The following RSRC1 variants were observed in gnomAD, a reference collection of about 807,000 sequenced individuals.
The protein encoded by RSRC1 is arginine and serine rich coiled-coil 1.
A neutral mutation model predicts 49.1 loss-of-function variants in RSRC1; 39 were observed. That is an observed-to-expected ratio of 0.79 (90% confidence interval 0.61 to 1.04). The LOEUF (loss-of-function observed/expected upper bound fraction) is 1.04, where lower values mean the gene tolerates loss of function less well. Among genes scored for constraint, RSRC1 ranks in the 50% least tolerant of loss-of-function variants. The pLI is 0.00. For synonymous variants in RSRC1, 143 were observed against 130.8 expected, an observed-to-expected ratio of 1.09 and a Z score of -0.63; for missense variants, 388 against 402.4, an observed-to-expected ratio of 0.96 and a Z score of 0.31.
chr3:158,410,665 A>G (rs931194787), intron 6 of RSRC1, among the ~76,000 whole-genome samples: 9 of 152,064 alleles, frequency 5.9e-5, no homozygotes, highest in South Asian at 2.1e-4. Flanking sequence ...TCTATCATCT[A>G]TCTTTGTAAA....
At chr3:158,481,768 A>G (rs1738622156) in intron 7 of RSRC1, among the ~76,000 whole-genome samples, 1 of 152,072 alleles carries the variant, frequency 6.6e-6, no homozygotes, top group Non-Finnish European at 1.5e-5. Context: ...AGATACTTAC[A>G]GTGTACTGCT....
intron 4 of RSRC1, among the ~76,000 whole-genome samples, chr3:158,293,919 G>A (rs1255124789): frequency 6.6e-6 from 1 of 151,946 alleles, no homozygotes; most frequent in East Asian, 1.9e-4. Flanking sequence ...CCTTTGTGTA[G>A]GGGTCTCCTT....
intron 6 of RSRC1, among the ~76,000 whole-genome samples, chr3:158,448,006 T>G (rs893424389): frequency 3.3e-5 from 5 of 151,860 alleles, no homozygotes; most frequent in African/African-American, 1.2e-4. Context: ...TTATAAATCA[T>G]TTAGTGGAGT....
At chr3:158,531,644 A>G (rs138937283) in intron 7 of RSRC1, among the ~76,000 whole-genome samples, 75 of 151,860 alleles carry the variant, frequency 4.9e-4, no homozygotes, top group African/African-American at 1.7e-3. Context: ...GAGTTTTCTC[A>G]TCTTTTAAAT....
At chr3:158,239,856 AAAAG>A (rs1379866630) in intron 4 of RSRC1, among the ~76,000 whole-genome samples, 4 of 152,190 alleles carry the variant, frequency 2.6e-5, no homozygotes, top group Non-Finnish European at 4.4e-5. Context: ...TCTTAACAAT[AAAAG>A]AAAGAATAAT....
chr3:158,512,304 A>G (rs1740233878), intron 7 of RSRC1, among the ~76,000 whole-genome samples: 1 of 142,744 alleles, frequency 7.0e-6, no homozygotes, highest in African/African-American at 2.7e-5. Context: ...AGGTGTAAGG[A>G]AGGGATCCAG....
intron 4 of RSRC1, among the ~76,000 whole-genome samples, chr3:158,250,745 A>G (rs1440642907): frequency 6.6e-6 from 1 of 152,090 alleles, no homozygotes; most frequent in Admixed American, 6.5e-5. Context: ...TAGTTTGCAG[A>G]TATTTTCTTT....
chr3:158,375,630 G>T (rs1267735008), intron 6 of RSRC1, among the ~76,000 whole-genome samples: 1 of 152,034 alleles, frequency 6.6e-6, no homozygotes, highest in African/African-American at 2.4e-5. Context: ...TAAATAAATT[G>T]TATGTAATAT....
chr3:158,343,874 G>A (rs1325111221), intron 5 of RSRC1, among the ~76,000 whole-genome samples: 1 of 152,106 alleles, frequency 6.6e-6, no homozygotes, highest in East Asian at 1.9e-4. Context: ...GAAAGGAAAG[G>A]AAGCAGCAGA....
At chr3:158,357,081 C>G (rs1424500722) in intron 6 of RSRC1, among the ~76,000 whole-genome samples, 1 of 152,192 alleles carries the variant, frequency 6.6e-6, no homozygotes, top group East Asian at 1.9e-4. Context: ...AAGCAAAAGA[C>G]AGACCTTAGC....
intron 4 of RSRC1, among the ~76,000 whole-genome samples, chr3:158,237,300 C>G (rs191948963): frequency 6.6e-6 from 1 of 152,270 alleles, no homozygotes; most frequent in Non-Finnish European, 1.5e-5. Context: ...GCTTTGAACA[C>G]TTACATACAT....
intron 4 of RSRC1, among the ~76,000 whole-genome samples, chr3:158,237,984 A>T (rs1004131746): frequency 6.6e-6 from 1 of 152,100 alleles, no homozygotes; most frequent in Non-Finnish European, 1.5e-5. Context: ...CATCAGCCTA[A>T]AATCTCCTTA....
rs117573665 is a variant in RSRC1, at chr3:158,142,204, A to G, written c.320+18213A>G. The stretch of plus-strand genomic sequence containing the variant: ...TATTATCCATTAAATCTATTATATT[A>G]TGCTTACCTTCATTGTAGATTTTTG... On this transcript the variant is annotated intron_variant, in intron 3 of 9. Coordinates refer to ENST00000611884, the MANE Select transcript of RSRC1 (RefSeq NM_001271838.2). 1.2e-3 allele frequency among the ~76,000 whole-genome samples: 185 copies of G among 152,326 alleles called. 2 individuals are homozygous for G. In the East Asian group the frequency reaches 0.034, roughly 28 times the overall value.
chr3:158,168,386 G>A (rs1345817825), intron 3 of RSRC1, among the ~76,000 whole-genome samples: 2 of 152,118 alleles, frequency 1.3e-5, no homozygotes, highest in African/African-American at 4.8e-5. Context: ...GTTGTTTTAA[G>A]CTTTAAAGTT....
chr3:158,500,172 G>A (rs1739526605), intron 7 of RSRC1, among the ~76,000 whole-genome samples: 1 of 152,162 alleles, frequency 6.6e-6, no homozygotes, highest in Non-Finnish European at 1.5e-5. Flanking sequence ...GACATTTATT[G>A]ACTTGCATAT....
At chr3:158,412,137 T>C (rs1560030779) in intron 6 of RSRC1, among the ~76,000 whole-genome samples, 1 of 152,144 alleles carries the variant, frequency 6.6e-6, no homozygotes, top group South Asian at 2.1e-4. Context: ...TAGAAAGGGA[T>C]TTGTTTTTTT....
intron 4 of RSRC1, among the ~76,000 whole-genome samples, chr3:158,239,076 A>G (rs1723411609): frequency 6.6e-6 from 1 of 152,228 alleles, no homozygotes; most frequent in African/African-American, 2.4e-5. Flanking sequence ...TTCTCAAAAT[A>G]AGACATTTAT....
rs1578182155 is a variant in RSRC1 at position 158,193,194 on chromosome 3, CA to C, written c.321-9877del. 7.9e-5 allele frequency among the ~76,000 whole-genome samples: 12 copies of C among 152,048 alleles called. No homozygotes were observed. The South Asian group carries it at 2.5e-3, about 32-fold the overall frequency. ...ATGCTCAGAGAGGAAATAGCTTGTT[CA>C]GGGGCACTATTATTTGAGGATTTCT... On this transcript the variant is annotated intron_variant, in intron 3 of 9. Transcript: ENST00000611884.
intron 4 of RSRC1, among the ~76,000 whole-genome samples, chr3:158,243,845 C>T (rs1022429173): frequency 1.3e-5 from 2 of 151,824 alleles, no homozygotes; most frequent in Non-Finnish European, 2.9e-5. Context: ...CTTGGCTTGC[C>T]TGTTATTGAC....
Sources: allele counts gnomAD v4.1 joint callset (sites outside exome capture counted in the v4.1 genomes callset), GRCh38; gene constraint gnomAD v4.1.1; transcripts MANE v1.5; gene names NCBI Gene and HGNC (gene_info 2026-07-23, HGNC 2026-07-21).